Variants in DPP6 observed in about 807,000 individuals in gnomAD.
The protein encoded by DPP6 is dipeptidyl peptidase like 6, also known as A-type potassium channel modulatory protein DPP6.
DPP6 carries 69 observed loss-of-function variants against 122.6 expected under a neutral mutation model. That is an observed-to-expected ratio of 0.56 (90% CI 0.46 to 0.69). The LOEUF (loss-of-function observed/expected upper bound fraction) is 0.69, where lower values mean the gene tolerates loss of function less well. DPP6 is among the 30% of genes least tolerant of loss of function. DPP6 has a pLI of 0.00. For missense variants in DPP6, 928 were observed against 1,116.9 expected (o/e 0.83, Z 2.41); for synonymous variants, 418 against 433.1 (o/e 0.97, Z 0.43).
rs569894685 is a variant in DPP6 at position 154,795,934 on chromosome 7, C to T, written c.1299+51C>T. On this transcript the variant is annotated intron_variant, in intron 12 of 25. Transcript: ENST00000377770. Reference sequence around the variant, plus strand: ...ACTGTCACCTCCACCTGATCCACCCCAGGGCTGGCCCTCAGAGCTTCGACA... The same window carrying T: ...ACTGTCACCTCCACCTGATCCACCCTAGGGCTGGCCCTCAGAGCTTCGACA... The T allele has an allele frequency of 1.8e-4, 289 of 1,579,256 alleles. 1 individual carries two copies. The highest frequency in any genetic ancestry group is 1.5e-3 in the Middle Eastern group (9 of 5,892).
intron 5 of DPP6, among the ~76,000 whole-genome samples, chr7:154,598,914 C>G (rs1278006650): frequency 6.6e-6 from 1 of 152,100 alleles, no homozygotes; most frequent in Non-Finnish European, 1.5e-5. Flanking sequence ...ACCTTTAATG[C>G]TGATGATTGG....
intron 1 of DPP6, among the ~76,000 whole-genome samples, chr7:154,224,842 A>T (rs1229854914): frequency 4.4e-5 from 6 of 137,220 alleles, no homozygotes; most frequent in Admixed American, 6.9e-5. Context: ...TTAACATTTT[A>T]AAAACATTCT....
chr7:154,830,904 T>C (rs1241807107), intron 16 of DPP6, among the ~76,000 whole-genome samples: 1 of 152,254 alleles, frequency 6.6e-6, no homozygotes, highest in South Asian at 2.1e-4. Context: ...CTTTGGTAGA[T>C]GAACTGGATG....
chr7:154,555,357 A>G (rs1829941891), intron 4 of DPP6, among the ~76,000 whole-genome samples: 1 of 152,054 alleles, frequency 6.6e-6, no homozygotes, highest in Non-Finnish European at 1.5e-5. Flanking sequence ...CCAGCAAACT[A>G]TTGCAAGGAC....
chr7:154,252,796 G>A (rs1057365336), intron 1 of DPP6, among the ~76,000 whole-genome samples: 2 of 152,256 alleles, frequency 1.3e-5, no homozygotes, highest in Non-Finnish European at 2.9e-5. Context: ...CATGGGCAGA[G>A]TCAACAGCAA....
chr7:154,538,771 C>A (rs77573829), intron 3 of DPP6, among the ~76,000 whole-genome samples: 4,110 of 152,266 alleles, frequency 0.027, 88 homozygotes, highest in South Asian at 0.082. Context: ...CAGAGTCTTC[C>A]ATGTGAGTTC....
At chr7:154,249,711 G>A (rs772164375) in intron 1 of DPP6, among the ~76,000 whole-genome samples, 2 of 152,062 alleles carry the variant, frequency 1.3e-5, no homozygotes, top group Admixed American at 1.3e-4. Flanking sequence ...ATGCCACGGA[G>A]CCTGTCCCCA....
chr7:154,390,740 C>G (rs750827346), intron 1 of DPP6, among the ~76,000 whole-genome samples: 12 of 152,068 alleles, frequency 7.9e-5, no homozygotes, highest in Non-Finnish European at 1.8e-4. Flanking sequence ...CTGGCACTGC[C>G]CCTGTGTTTT....
intron 1 of DPP6, among the ~76,000 whole-genome samples, chr7:154,440,065 C>A (rs11981725): frequency 0.36 from 54,297 of 151,954 alleles, 10,616 homozygotes; most frequent in Admixed American, 0.4. Flanking sequence ...TCCTCTGCTT[C>A]CACTAAGATG....
At chr7:153,860,414 A>T in the DPP6 span, among the ~76,000 whole-genome samples, 1 of 152,116 alleles carries the variant, frequency 6.6e-6, no homozygotes, top group African/African-American at 2.4e-5. Flanking sequence ...AAGGAGTTGC[A>T]GGATGGAAGG....
At chr7:154,216,158 C>T (rs758513685) in intron 1 of DPP6, among the ~76,000 whole-genome samples, 2 of 152,142 alleles carry the variant, frequency 1.3e-5, no homozygotes, top group East Asian at 1.9e-4. Context: ...AGGGACCCCA[C>T]GGGACGCATT....
intron 1 of DPP6, among the ~76,000 whole-genome samples, chr7:154,373,754 A>G (rs963563898): frequency 4.6e-5 from 7 of 152,224 alleles, no homozygotes; most frequent in Non-Finnish European, 7.4e-5. Flanking sequence ...CTTATCCCGA[A>G]CGGAAACTGC....
chr7:154,408,381 T>A (rs1306969371), intron 1 of DPP6, among the ~76,000 whole-genome samples: 2 of 152,316 alleles, frequency 1.3e-5, no homozygotes, highest in Middle Eastern at 3.4e-3. Context: ...AAAAGTGGGT[T>A]CATTCTTGAT....
At chr7:154,507,923 A>G (rs1433994151) in intron 3 of DPP6, among the ~76,000 whole-genome samples, 2 of 151,118 alleles carry the variant, frequency 1.3e-5, no homozygotes, top group Non-Finnish European at 3.0e-5. Flanking sequence ...GGGAAGTGAC[A>G]GTTTTTCAGA....
In DPP6 at chr7:154,017,727, T is replaced by A. The variant is rs78254469; in HGVS notation, c.51+129993T>A. 8.4e-3 allele frequency among the ~76,000 whole-genome samples: 920 copies of A among 108,920 alleles called. 13 individuals are homozygous for A. Among genetic ancestry groups the A allele is most frequent in the African/African-American group, 0.029 (758 of 26,578 alleles). The allele number at this position is 108,920 out of a possible 152,430, so 71.5% of individuals were successfully genotyped here. On this transcript the variant is annotated intron_variant, in intron 1 of 25. Transcript: ENST00000404039. ...AAAAAATAAAAAAAAAATAAAAAAATAAAAAAAAAAAAAAGAAAAATATAA... is the reference window on the plus strand; with the variant it reads ...AAAAAATAAAAAAAAAATAAAAAAAAAAAAAAAAAAAAAAGAAAAATATAA...
the DPP6 span, among the ~76,000 whole-genome samples, chr7:153,834,704 A>C: frequency 6.6e-6 from 1 of 152,220 alleles, no homozygotes; most frequent in Admixed American, 6.5e-5. Flanking sequence ...AGGAGGGCCT[A>C]TTAGCAAGCT....
chr7:153,828,496 G>A, the DPP6 span, among the ~76,000 whole-genome samples: 2 of 152,090 alleles, frequency 1.3e-5, no homozygotes, highest in African/African-American at 2.4e-5. Context: ...AATTCTTTTT[G>A]AAAAGTATAT....
intron 3 of DPP6, among the ~76,000 whole-genome samples, chr7:154,497,614 A>T (rs879429192): frequency 1.1e-4 from 14 of 128,340 alleles, no homozygotes; most frequent in Non-Finnish European, 2.2e-4. Flanking sequence ...ATCTCCAAAA[A>T]AAGAAAAAAA....
chr7:154,892,637 G>A lies in DPP6; in HGVS notation c.*157G>A. 2 of 1,431,174 alleles carry A rather than the reference G, an allele frequency of 1.4e-6. No individual in the cohort carries two copies. Among genetic ancestry groups the A allele is most frequent in the Non-Finnish European group, 9.5e-7 (1 of 1,051,054 alleles). The allele number at this position is 1,431,174 out of a possible 1,614,324, so 88.7% of individuals were successfully genotyped here. On this transcript the variant is annotated 3_prime_UTR_variant, in exon 26 of 26. Coordinates refer to ENST00000377770, the MANE Select transcript of DPP6 (RefSeq NM_130797.4). ...GGATGCGGAAGGCAGTTTTGCTTGG[G>A]AAACAAGCTCCTTCCCCGGGGTCAT... is the stretch of plus-strand genomic sequence containing the variant.
Sources: gnomAD v4.1 joint callset for allele counts (sites outside exome capture counted in the v4.1 genomes callset) on GRCh38, gnomAD v4.1.1 for gene constraint, MANE v1.5 for transcripts, NCBI Gene and HGNC (gene_info 2026-07-23, HGNC 2026-07-21) for gene names.